Variants in JMY observed in about 807,000 individuals in gnomAD.
JMY encodes the protein junction mediating and regulatory protein, p53 cofactor.
A neutral mutation model predicts 103.3 loss-of-function variants in JMY; 46 were observed. The observed-to-expected ratio is 0.45, with a 90% CI of 0.35 to 0.57. The LOEUF is 0.57. Among genes scored for constraint, JMY ranks in the 20% least tolerant of loss-of-function variants. JMY has a pLI of 0.00. For missense variants in JMY, 1,238 were observed against 1,255.2 expected (o/e 0.99, Z 0.21); for synonymous variants, 526 against 489.3 (o/e 1.07, Z -0.99).
chr5:79,276,082 T>C (rs1018440697), intron 1 of JMY, among the ~76,000 whole-genome samples: 1 of 152,192 alleles, frequency 6.6e-6, no homozygotes, highest in Non-Finnish European at 1.5e-5. Context: ...TATAAATTAC[T>C]GTCTTCTGTA....
In JMY at chr5:79,237,468, G is replaced by C; in HGVS notation, c.818G>C (p.Gly273Ala). The change falls in exon 1 of 11, where the codon GGC becomes GCC. Residue 273 changes from glycine (G) to alanine (A), a missense_variant. By Grantham distance (60) the Gly-to-Ala change is moderately conservative (BLOSUM62 0). Transcript: ENST00000396137. ...PSGMWTVLFG[G>A]APEMTEQEID... ...GGCATGTGGACTGTGCTGTTTGGGG[G>C]CGCCCCCGAGATGACCGAGCAGGAA... The C allele has an allele frequency of 1.2e-6, 2 of 1,609,782 alleles. No homozygotes were observed. Among genetic ancestry groups the C allele is most frequent in the Non-Finnish European group, 1.7e-6 (2 of 1,178,592 alleles).
intron 8 of JMY, among the ~76,000 whole-genome samples, chr5:79,312,946 A>G (rs1225658418): frequency 1.3e-5 from 2 of 152,126 alleles, no homozygotes; most frequent in Non-Finnish European, 2.9e-5. Context: ...TTGCCAGGGT[A>G]AGCCATGACC....
At chr5:79,319,864 G>A (rs901352244) in intron 10 of JMY, among the ~76,000 whole-genome samples, 1 of 152,058 alleles carries the variant, frequency 6.6e-6, no homozygotes, top group African/African-American at 2.4e-5. Flanking sequence ...ACAGGTGTGA[G>A]CCACTGTGCC....
intron 1 of JMY, among the ~76,000 whole-genome samples, chr5:79,257,619 T>C (rs1318037058): frequency 6.6e-6 from 1 of 151,980 alleles, no homozygotes; most frequent in African/African-American, 2.4e-5. Context: ...CAAGAAAAAA[T>C]CAGAAATTGT....
At chr5:79,257,527 C>G (rs1031831474) in intron 1 of JMY, among the ~76,000 whole-genome samples, 1 of 152,096 alleles carries the variant, frequency 6.6e-6, no homozygotes, top group African/African-American at 2.4e-5. Context: ...CACCTGAAAC[C>G]AGGAATGTCG....
intron 2 of JMY, among the ~76,000 whole-genome samples, chr5:79,281,305 A>G (rs1035844057): frequency 2.7e-5 from 4 of 150,912 alleles, no homozygotes; most frequent in Middle Eastern, 3.5e-3. Flanking sequence ...CGGCCTCCCA[A>G]AGTGCTGGGA....
chr5:79,286,511 C>T (rs1033156063), intron 2 of JMY, among the ~76,000 whole-genome samples: 2 of 151,906 alleles, frequency 1.3e-5, no homozygotes, highest in East Asian at 1.9e-4. Flanking sequence ...GGTGTGGTGG[C>T]GTGCTCGTGC....
At chr5:79,276,997 A>G (rs1745957189) in intron 1 of JMY, among the ~76,000 whole-genome samples, 1 of 152,142 alleles carries the variant, frequency 6.6e-6, no homozygotes, top group South Asian at 2.1e-4. Flanking sequence ...TTGGCCTTCC[A>G]AAGTGTTGGG....
At chr5:79,270,034 G>GA (rs1296530784) in intron 1 of JMY, among the ~76,000 whole-genome samples, 1 of 152,086 alleles carries the variant, frequency 6.6e-6, no homozygotes, top group African/African-American at 2.4e-5. Flanking sequence ...ACCTGGCCTG[G>GA]AGGAGTGTGT....
At chr5:79,255,527 G>A (rs1443840966) in intron 1 of JMY, among the ~76,000 whole-genome samples, 1 of 152,180 alleles carries the variant, frequency 6.6e-6, no homozygotes, top group African/African-American at 2.4e-5. Context: ...TGAAGAGTTA[G>A]GTATTTACTG....
chr5:79,238,310 G>C (rs1354779279), intron 1 of JMY, among the ~76,000 whole-genome samples: 2 of 151,940 alleles, frequency 1.3e-5, no homozygotes, highest in Non-Finnish European at 2.9e-5. Flanking sequence ...GCTGTTTTAG[G>C]TAGAAATAAA....
At chr5:79,294,583 G>A (rs933148151) in intron 4 of JMY, among the ~76,000 whole-genome samples, 1 of 151,818 alleles carries the variant, frequency 6.6e-6, no homozygotes, top group Admixed American at 6.6e-5. Flanking sequence ...AGGGCCAGGC[G>A]CAGTGGCTTA....
intron 2 of JMY, chr5:79,284,639 T>C: frequency 1.3e-6 from 2 of 1,563,342 alleles, no homozygotes; most frequent in Admixed American, 3.3e-5. Context: ...AGGCAGTTTT[T>C]ACCCTGAACA....
chr5:79,312,599 T>G, intron 8 of JMY, 101 bp downstream of exon 8: 1 of 554,236 alleles, frequency 1.8e-6, no homozygotes, highest in Non-Finnish European at 3.0e-6. Flanking sequence ...AAACTTGGTT[T>G]TCCCTTATTT....
chr5:79,240,466 T>C (rs6453433), intron 1 of JMY, among the ~76,000 whole-genome samples: 150,337 of 152,230 alleles, frequency 0.99, 74,239 homozygotes, highest in East Asian at 1. Context: ...GCCGCTACCA[T>C]GCCTGGCTAA....
At chr5:79,290,985 A>G in intron 3 of JMY, 145 bp from the exon 4 acceptor site, 1 of 531,580 alleles carries the variant, frequency 1.9e-6, no homozygotes, top group Non-Finnish European at 3.0e-6. Flanking sequence ...ACTCCATCTC[A>G]TAAAAGAAAA....
At chr5:79,244,832 T>TG (rs1744843376) in intron 1 of JMY, among the ~76,000 whole-genome samples, 1 of 139,420 alleles carries the variant, frequency 7.2e-6, no homozygotes, top group Non-Finnish European at 1.6e-5. Flanking sequence ...TGTAACTATT[T>TG]GTTTTTTTTT....
At chr5:79,302,129 T>C (rs1580365718) in intron 6 of JMY, among the ~76,000 whole-genome samples, 1 of 149,746 alleles carries the variant, frequency 6.7e-6, no homozygotes, top group Middle Eastern at 3.5e-3. Context: ...GCAGGTCTTA[T>C]AGAACAGTTT....
At chr5:79,277,853 G>A (rs941307327) in intron 1 of JMY, 57 bp from the exon 2 acceptor site, 5 of 1,500,690 alleles carry the variant, frequency 3.3e-6, no homozygotes, top group Non-Finnish European at 4.5e-6. Context: ...TTCAAAGCAA[G>A]TATTTATAGG....
Sources: allele counts gnomAD v4.1 joint callset (sites outside exome capture counted in the v4.1 genomes callset), GRCh38; gene constraint gnomAD v4.1.1; transcripts MANE v1.5; gene names NCBI Gene and HGNC (gene_info 2026-07-23, HGNC 2026-07-21).